RBFOX1: variants seen among roughly 807,000 people sequenced by gnomAD.
RBFOX1 encodes RNA binding fox-1 homolog 1, also known as RNA binding protein fox-1 homolog 1.
RBFOX1 carries 8 observed loss-of-function variants against 57.7 expected under a neutral mutation model. That is an observed-to-expected ratio of 0.14 (90% confidence interval 0.08 to 0.25). The LOEUF is 0.25. Ranked by LOEUF, RBFOX1 falls within the 10% of genes least tolerant of loss-of-function variation. RBFOX1 has a pLI of 1.00. For synonymous variants in RBFOX1, 326 were observed against 222.4 expected (o/e 1.47, Z -4.15); for missense variants, 611 against 548.5 (o/e 1.11, Z -1.14).
chr16:6,837,827 AC>A (rs1329292655), intron 3 of RBFOX1, among the ~76,000 whole-genome samples: 1 of 151,948 alleles, frequency 6.6e-6, no homozygotes. Context: ...AGCACTTGGG[AC>A]TCCACTTCAG....
chr16:7,060,774 C>A (rs369187003), intron 4 of RBFOX1, among the ~76,000 whole-genome samples: 68 of 152,128 alleles, frequency 4.5e-4, no homozygotes, highest in African/African-American at 1.6e-3. Flanking sequence ...TTCGGCTGTT[C>A]CAGAATTCTC....
chr16:7,169,575 T>A lies in RBFOX1; in HGVS notation c.27+117477T>A, dbSNP rs190170617. Among the ~76,000 whole-genome samples the A allele has an allele frequency of 2.8e-4, 42 of 152,294 alleles. No individual in the cohort carries two copies. In the East Asian group the frequency reaches 5.8e-3, roughly 21 times the overall value. ...ACAGTGATGTACATGATTAATTGCATCTTCAACACATTCCTACCAGGTAGG... is the reference window on the plus strand; with the variant it reads ...ACAGTGATGTACATGATTAATTGCAACTTCAACACATTCCTACCAGGTAGG... On this transcript the variant is annotated intron_variant, in intron 4 of 15. Transcript: ENST00000550418.
chr16:5,276,932 C>G (rs2063155710), intron 1 of RBFOX1, among the ~76,000 whole-genome samples: 1 of 152,056 alleles, frequency 6.6e-6, no homozygotes, highest in African/African-American at 2.4e-5. Flanking sequence ...TCCAGCAATC[C>G]CACTACTAAG....
chr16:5,712,132 C>T (rs568970656), intron 3 of RBFOX1, among the ~76,000 whole-genome samples: 13 of 152,256 alleles, frequency 8.5e-5, no homozygotes, highest in Non-Finnish European at 1.8e-4. Context: ...TGTGAGAGCT[C>T]ACTCTCTATC....
At chr16:6,958,014 AGGG>A (rs1013727970) in intron 3 of RBFOX1, among the ~76,000 whole-genome samples, 1 of 152,096 alleles carries the variant, frequency 6.6e-6, no homozygotes, top group African/African-American at 2.4e-5. Context: ...GGGACTACTC[AGGG>A]GTGAGAATAC....
At chr16:5,816,303 A>G (rs900479449) in intron 3 of RBFOX1, among the ~76,000 whole-genome samples, 2 of 152,098 alleles carry the variant, frequency 1.3e-5, no homozygotes, top group African/African-American at 4.8e-5. Flanking sequence ...AAGATTCTCT[A>G]ACTGCCAGTA....
intron 2 of RBFOX1, among the ~76,000 whole-genome samples, chr16:6,466,917 TATAACTAA>T (rs2095062181): frequency 6.6e-6 from 1 of 152,092 alleles, no homozygotes; most frequent in South Asian, 2.1e-4. Context: ...TCAATCTTAA[TATAACTAA>T]ATGCAGCAGA....
At chr16:5,306,332 T>C (rs1435382170) in intron 1 of RBFOX1, among the ~76,000 whole-genome samples, 16 of 151,808 alleles carry the variant, frequency 1.1e-4, no homozygotes, top group Admixed American at 2.6e-4. Flanking sequence ...TCTTTTTTTT[T>C]TTTTGAGACG....
chr16:6,518,326 T>C (rs973714291), intron 2 of RBFOX1, among the ~76,000 whole-genome samples: 14 of 152,264 alleles, frequency 9.2e-5, no homozygotes, highest in African/African-American at 1.4e-4. Flanking sequence ...AGATACGTGA[T>C]CCAGGGAAAG....
At chr16:6,764,572 C>T (rs1218719722) in intron 3 of RBFOX1, among the ~76,000 whole-genome samples, 1 of 152,146 alleles carries the variant, frequency 6.6e-6, no homozygotes, top group Non-Finnish European at 1.5e-5. Context: ...CCCCATGGGA[C>T]TTACATTCTA....
intron 1 of RBFOX1, among the ~76,000 whole-genome samples, chr16:5,396,511 A>G (rs968410142): frequency 1.3e-5 from 2 of 152,192 alleles, no homozygotes; most frequent in Admixed American, 6.5e-5. Flanking sequence ...GTGTGGCAGC[A>G]CATGCCTGTA....
intron 3 of RBFOX1, among the ~76,000 whole-genome samples, chr16:6,777,105 T>C (rs1181540591): frequency 6.6e-6 from 1 of 152,154 alleles, no homozygotes; most frequent in East Asian, 1.9e-4. Flanking sequence ...TTTAGTAAAA[T>C]ACGAGTCTTG....
chr16:6,221,128 G>T (rs2097370609), intron 1 of RBFOX1, among the ~76,000 whole-genome samples: 1 of 152,080 alleles, frequency 6.6e-6, no homozygotes, highest in Non-Finnish European at 1.5e-5. Context: ...TGTAATCATA[G>T]GATTAGGGAA....
At chr16:5,681,966 A>T (rs2050352952) in intron 3 of RBFOX1, among the ~76,000 whole-genome samples, 1 of 152,076 alleles carries the variant, frequency 6.6e-6, no homozygotes, top group African/African-American at 2.4e-5. Flanking sequence ...GAGTATTGGG[A>T]TACAGTAACA....
At chr16:5,671,789 C>A (rs1328486503) in intron 3 of RBFOX1, among the ~76,000 whole-genome samples, 2 of 152,184 alleles carry the variant, frequency 1.3e-5, no homozygotes, top group African/African-American at 4.8e-5. Flanking sequence ...GAATATAAGG[C>A]CCCTTGTCTT....
chr16:6,230,821 A>G (rs2097453642), intron 1 of RBFOX1, among the ~76,000 whole-genome samples: 1 of 152,218 alleles, frequency 6.6e-6, no homozygotes, highest in African/African-American at 2.4e-5. Context: ...AAGAGATGGA[A>G]TAGAAATGCT....
intron 4 of RBFOX1, among the ~76,000 whole-genome samples, chr16:7,122,576 C>G (rs569010904): frequency 6.6e-6 from 1 of 152,226 alleles, no homozygotes; most frequent in African/African-American, 2.4e-5. Context: ...AGACTTAGTG[C>G]TGTGGAGGAT....
intron 1 of RBFOX1, among the ~76,000 whole-genome samples, chr16:6,275,002 C>T (rs758168348): frequency 6.6e-6 from 1 of 152,126 alleles, no homozygotes; most frequent in Non-Finnish European, 1.5e-5. Context: ...ATATGTCGCT[C>T]TTGTCCGGAG....
intron 2 of RBFOX1, among the ~76,000 whole-genome samples, chr16:6,521,439 C>A (rs1465347221): frequency 7.0e-6 from 1 of 142,468 alleles, no homozygotes; most frequent in East Asian, 2.2e-4. Context: ...CCCTTCCCTC[C>A]CCTCCCCTCC....
Sources: allele counts gnomAD v4.1 joint callset (sites outside exome capture counted in the v4.1 genomes callset), GRCh38; gene constraint gnomAD v4.1.1; transcripts MANE v1.5; gene names NCBI Gene and HGNC (gene_info 2026-07-23, HGNC 2026-07-21).